KAZN: variants seen among roughly 807,000 people sequenced by gnomAD.
KAZN encodes kazrin.
In KAZN, 40 loss-of-function variants were observed where a neutral mutation model predicts 87.4. The observed-to-expected ratio is 0.46, with a 90% CI of 0.36 to 0.60. The LOEUF (loss-of-function observed/expected upper bound fraction) is 0.60, where lower values mean the gene tolerates loss of function less well. KAZN is among the 20% of genes least tolerant of loss of function. The pLI is 0.00. For missense variants in KAZN, 898 were observed against 1,073.9 expected (o/e 0.84, Z 2.29); for synonymous variants, 466 against 458.3 (o/e 1.02, Z -0.22).
intron 2 of KAZN, among the ~76,000 whole-genome samples, chr1:14,997,004 C>T (rs1667936192): frequency 6.6e-6 from 1 of 152,102 alleles, no homozygotes; most frequent in Middle Eastern, 3.2e-3. Flanking sequence ...GCCTGGAGTG[C>T]TTTTTTTCCC....
chr1:14,133,365 CA>C (rs779709247), intron 1 of KAZN, among the ~76,000 whole-genome samples: 36 of 26,564 alleles, frequency 1.4e-3, no homozygotes, highest in African/African-American at 3.8e-3. Flanking sequence ...GACTCCCTCT[CA>C]AAAAAAAAAA....
At chr1:14,171,105 A>C (rs1645945996) in intron 1 of KAZN, among the ~76,000 whole-genome samples, 1 of 152,222 alleles carries the variant, frequency 6.6e-6, no homozygotes, top group South Asian at 2.1e-4. Context: ...TCCACATTCT[A>C]GCATGCAGCA....
intron 2 of KAZN, among the ~76,000 whole-genome samples, chr1:14,988,299 A>G (rs559052245): frequency 6.6e-6 from 1 of 152,314 alleles, no homozygotes; most frequent in African/African-American, 2.4e-5. Context: ...CCTCCGTCAC[A>G]GAACGCGCCC....
At chr1:14,613,929 A>G (rs1350855599) in intron 1 of KAZN, among the ~76,000 whole-genome samples, 2 of 152,196 alleles carry the variant, frequency 1.3e-5, no homozygotes, top group African/African-American at 4.8e-5. Flanking sequence ...TCCCTGTGAC[A>G]CAACTGATTA....
At chr1:14,456,592 T>C (rs1232610558) in intron 2 of KAZN, among the ~76,000 whole-genome samples, 2 of 152,246 alleles carry the variant, frequency 1.3e-5, no homozygotes, top group African/African-American at 4.8e-5. Context: ...CACATTGCTA[T>C]GCGGCCTCCA....
intron 1 of KAZN, among the ~76,000 whole-genome samples, chr1:14,079,647 A>G (rs1011094254): frequency 7.9e-5 from 12 of 152,366 alleles, no homozygotes; most frequent in African/African-American, 2.9e-4. Flanking sequence ...CGATATACTC[A>G]CAGCAATGCA....
intron 1 of KAZN, among the ~76,000 whole-genome samples, chr1:14,056,792 C>T (rs1642579108): frequency 6.6e-6 from 1 of 152,100 alleles, no homozygotes; most frequent in Admixed American, 6.5e-5. Context: ...TTAGACATAG[C>T]AGGAGACCCA....
chr1:14,556,320 A>G (rs1673871084), intron 2 of KAZN, among the ~76,000 whole-genome samples: 1 of 152,068 alleles, frequency 6.6e-6, no homozygotes, highest in East Asian at 1.9e-4. Flanking sequence ...TGTGTTATCC[A>G]GGATGGTCTC....
intron 2 of KAZN, among the ~76,000 whole-genome samples, chr1:14,284,297 G>A (rs1454189949): frequency 6.6e-6 from 1 of 152,156 alleles, no homozygotes; most frequent in African/African-American, 2.4e-5. Flanking sequence ...TCTCAATAAA[G>A]TTGTTATTAC....
At chr1:14,143,482 A>T (rs1299321958) in intron 1 of KAZN, among the ~76,000 whole-genome samples, 1 of 152,116 alleles carries the variant, frequency 6.6e-6, no homozygotes, top group Non-Finnish European at 1.5e-5. Context: ...AAGGGTTTAG[A>T]TCTTGTATTC....
chr1:14,987,401 G>A (rs1463008402), intron 2 of KAZN, among the ~76,000 whole-genome samples: 1 of 152,162 alleles, frequency 6.6e-6, no homozygotes, highest in East Asian at 1.9e-4. Flanking sequence ...GGCTGAGGCA[G>A]GAGAATCGCT....
chr1:14,060,311 C>G (rs190792070), intron 1 of KAZN, among the ~76,000 whole-genome samples: 4 of 148,886 alleles, frequency 2.7e-5, no homozygotes, highest in African/African-American at 1.0e-4. Context: ...TACAGTGAGC[C>G]GAGATCGCGC....
intron 1 of KAZN, among the ~76,000 whole-genome samples, chr1:14,931,031 G>A (rs898642148): frequency 1.2e-4 from 18 of 152,300 alleles, no homozygotes; most frequent in African/African-American, 4.3e-4. Flanking sequence ...GCAGGGATGG[G>A]GTGAACCCGT....
Position 13,963,568 on chromosome 1 carries a change from A to T in KAZN, c.91+69812A>T, listed in dbSNP as rs1419886201. Among the ~76,000 whole-genome samples, 3 of 152,216 alleles carry T rather than the reference A, an allele frequency of 2.0e-5. No individual in the cohort carries two copies. The East Asian group carries it at 5.8e-4, about 29-fold the overall frequency. ...TAATTATTGTTCCTCTGGCTCCTTT[A>T]TGAATGAGTCTATCATCCAGGCAAT... is the stretch of plus-strand genomic sequence containing the variant. On this transcript the variant is annotated intron_variant, in intron 1 of 16. Transcript: ENST00000636203.
At chr1:14,388,297 T>C (rs1662124698) in intron 2 of KAZN, among the ~76,000 whole-genome samples, 1 of 152,214 alleles carries the variant, frequency 6.6e-6, no homozygotes, top group African/African-American at 2.4e-5. Context: ...CGCTGGGAGC[T>C]GTAGACCGGA....
intron 1 of KAZN, among the ~76,000 whole-genome samples, chr1:13,962,207 CT>C (rs1401450362): frequency 6.6e-6 from 1 of 151,970 alleles, no homozygotes; most frequent in African/African-American, 2.4e-5. Context: ...GGGCTGGGTA[CT>C]TGAGGGACAG....
At chr1:14,418,266 A>AT (rs1664999610) in intron 2 of KAZN, among the ~76,000 whole-genome samples, 1 of 152,132 alleles carries the variant, frequency 6.6e-6, no homozygotes, top group Non-Finnish European at 1.5e-5. Flanking sequence ...GTTCCTAACT[A>AT]TATGACCCTG....
intron 1 of KAZN, among the ~76,000 whole-genome samples, chr1:14,732,916 C>T (rs778366250): frequency 4.6e-5 from 7 of 152,022 alleles, no homozygotes; most frequent in African/African-American, 9.7e-5. Flanking sequence ...ACTCCTTTAA[C>T]CGATAGGTAT....
intron 2 of KAZN, among the ~76,000 whole-genome samples, chr1:14,978,957 TG>T (rs1295023119): frequency 6.6e-6 from 1 of 151,806 alleles, no homozygotes; most frequent in African/African-American, 2.4e-5. Flanking sequence ...CAGGCTGGAG[TG>T]CAATGGCGCA....
Sources: gnomAD v4.1 joint callset for allele counts (sites outside exome capture counted in the v4.1 genomes callset) on GRCh38, gnomAD v4.1.1 for gene constraint, MANE v1.5 for transcripts, NCBI Gene and HGNC (gene_info 2026-07-23, HGNC 2026-07-21) for gene names.